The following MDFIC2 variants were observed in gnomAD, a reference collection of about 807,000 sequenced individuals.
MDFIC2 encodes the protein myoD family inhibitor domain-containing protein 2.
chr3:70,251,758 G>A (rs956345736), intron 2 of MDFIC2, among the ~76,000 whole-genome samples: 2 of 152,168 alleles, frequency 1.3e-5, no homozygotes, highest in South Asian at 2.1e-4. Flanking sequence ...GGAAGATGAG[G>A]AACCTGTAGA....
chr3:70,216,546 C>T (rs1363559136), intron 2 of MDFIC2, among the ~76,000 whole-genome samples: 2 of 152,164 alleles, frequency 1.3e-5, no homozygotes, highest in South Asian at 2.1e-4. Context: ...CTAAGGCAGC[C>T]TGGCTCCAAG....
At chr3:70,220,894 C>A (rs765774016) in intron 2 of MDFIC2, among the ~76,000 whole-genome samples, 1 of 152,072 alleles carries the variant, frequency 6.6e-6, no homozygotes, top group Non-Finnish European at 1.5e-5. Context: ...GGGAACCATG[C>A]CTTGGCATTC....
chr3:70,259,983 C>T (rs568889396), intron 2 of MDFIC2, among the ~76,000 whole-genome samples: 1 of 152,226 alleles, frequency 6.6e-6, no homozygotes, highest in African/African-American at 2.4e-5. Flanking sequence ...AACCCACTCA[C>T]TATCACGAGA....
chr3:70,291,422 A>C (rs889120027), intron 2 of MDFIC2, among the ~76,000 whole-genome samples: 1 of 152,172 alleles, frequency 6.6e-6, no homozygotes, highest in African/African-American at 2.4e-5. Flanking sequence ...TAATTTATCA[A>C]AGTAGAGCTA....
intron 2 of MDFIC2, among the ~76,000 whole-genome samples, chr3:70,301,100 G>A (rs7650291): frequency 0.21 from 31,513 of 151,790 alleles, 3,462 homozygotes; most frequent in South Asian, 0.28. Context: ...AAGAAAAGAG[G>A]CTGGGTGATA....
chr3:70,212,063 G>A (rs970939124), intron 2 of MDFIC2, among the ~76,000 whole-genome samples: 6 of 151,876 alleles, frequency 4.0e-5, no homozygotes, highest in Non-Finnish European at 7.4e-5. Context: ...CTTGAAGGCC[G>A]TATTTGTCCA....
intron 2 of MDFIC2, among the ~76,000 whole-genome samples, chr3:70,307,486 C>T (rs1702413251): frequency 6.6e-6 from 1 of 152,124 alleles, no homozygotes; most frequent in Non-Finnish European, 1.5e-5. Flanking sequence ...TACCTGACAT[C>T]CTATTCCACC....
chr3:70,233,507 A>T (rs947854823), intron 2 of MDFIC2, among the ~76,000 whole-genome samples: 1 of 152,214 alleles, frequency 6.6e-6, no homozygotes, highest in Non-Finnish European at 1.5e-5. Context: ...TATTACATAC[A>T]ATAATTGACA....
chr3:70,253,871 T>C (rs1432570469), intron 2 of MDFIC2, among the ~76,000 whole-genome samples: 2 of 152,184 alleles, frequency 1.3e-5, no homozygotes, highest in Non-Finnish European at 2.9e-5. Context: ...AAAAATTCTG[T>C]TCCTGGAGAT....
At chr3:70,242,401 T>C (rs1164727787) in intron 2 of MDFIC2, among the ~76,000 whole-genome samples, 2 of 152,202 alleles carry the variant, frequency 1.3e-5, no homozygotes, top group East Asian at 3.9e-4. Context: ...TTTCTTTTTG[T>C]AGAATTAGAT....
intron 2 of MDFIC2, among the ~76,000 whole-genome samples, chr3:70,309,650 A>C (rs1014941583): frequency 6.6e-6 from 1 of 152,186 alleles, no homozygotes; most frequent in African/African-American, 2.4e-5. Context: ...TTTTTTAAAT[A>C]TATGCCAACC....
chr3:70,289,190 G>T (rs1702201055), intron 2 of MDFIC2, among the ~76,000 whole-genome samples: 1 of 149,900 alleles, frequency 6.7e-6, no homozygotes, highest in Non-Finnish European at 1.5e-5. Flanking sequence ...TTTTGCAGCG[G>T]CTGGTACCGG....
intron 2 of MDFIC2, among the ~76,000 whole-genome samples, chr3:70,233,069 G>A (rs955012473): frequency 6.6e-6 from 1 of 152,098 alleles, no homozygotes; most frequent in African/African-American, 2.4e-5. Context: ...TGCGCCTGTG[G>A]TCTCAGCTAA....
chr3:70,213,345 T>C (rs1328853859), intron 2 of MDFIC2, among the ~76,000 whole-genome samples: 1 of 152,148 alleles, frequency 6.6e-6, no homozygotes, highest in Non-Finnish European at 1.5e-5. Flanking sequence ...CAGAAGAGTA[T>C]ATGAAAATTA....
intron 3 of MDFIC2, among the ~76,000 whole-genome samples, chr3:70,202,054 GTAGT>G (rs1701245367): frequency 1.3e-5 from 2 of 152,290 alleles, no homozygotes; most frequent in South Asian, 2.1e-4. Context: ...TGGTCTAATA[GTAGT>G]TAGTGACTAG....
At chr3:70,235,383 C>T (rs185409396) in intron 2 of MDFIC2, among the ~76,000 whole-genome samples, 2 of 152,332 alleles carry the variant, frequency 1.3e-5, no homozygotes, top group Non-Finnish European at 2.9e-5. Context: ...CACCCACTCA[C>T]TCCTTAATCC....
intron 3 of MDFIC2, among the ~76,000 whole-genome samples, chr3:70,203,340 C>T (rs1206861539): frequency 6.6e-6 from 1 of 152,108 alleles, no homozygotes; most frequent in Admixed American, 6.6e-5. Context: ...CTCCCCCACA[C>T]TGAGTTCTTT....
intron 2 of MDFIC2, chr3:70,291,236 G>A (rs2106693159): frequency 6.6e-6 from 1 of 152,208 alleles, no homozygotes; most frequent in Non-Finnish European, 1.5e-5. Context: ...ACCAGCTATT[G>A]ACCTCAGGTA....
At chr3:70,202,260 G>C (rs1023080914) in intron 3 of MDFIC2, among the ~76,000 whole-genome samples, 1 of 152,078 alleles carries the variant, frequency 6.6e-6, no homozygotes, top group African/African-American at 2.4e-5. Context: ...TTTGATAGTG[G>C]TCAGTGACTA....
Sources: allele counts gnomAD v4.1 joint callset (sites outside exome capture counted in the v4.1 genomes callset), GRCh38; gene constraint gnomAD v4.1.1; transcripts MANE v1.5; gene names NCBI Gene and HGNC (gene_info 2026-07-23, HGNC 2026-07-21).